The following DNER variants were observed in gnomAD, a reference collection of about 807,000 sequenced individuals.
DNER encodes the protein delta and Notch-like epidermal growth factor-related receptor.
DNER carries 33 observed loss-of-function variants against 78.2 expected under a neutral mutation model. The observed-to-expected ratio is 0.42, with a 90% CI of 0.32 to 0.56. The LOEUF (loss-of-function observed/expected upper bound fraction) is 0.56. Among genes scored for constraint, DNER ranks in the 20% least tolerant of loss-of-function variants. The probability of loss-of-function intolerance (pLI) is 0.11; values close to 1 mark genes in which losing one functional copy is unlikely to be tolerated. For missense variants in DNER, 918 were observed against 975.3 expected, an observed-to-expected ratio of 0.94 and a Z score of 0.78; for synonymous variants, 417 against 384.8, an observed-to-expected ratio of 1.08 and a Z score of -0.98.
At chr2:229,507,990 A>G (rs1695779328) in intron 6 of DNER, among the ~76,000 whole-genome samples, 1 of 152,234 alleles carries the variant, frequency 6.6e-6, no homozygotes, top group African/African-American at 2.4e-5. Flanking sequence ...AATTATTAGT[A>G]TCAAAAATAA....
intron 6 of DNER, among the ~76,000 whole-genome samples, chr2:229,498,079 A>C: frequency 6.6e-6 from 1 of 152,190 alleles, no homozygotes; most frequent in Non-Finnish European, 1.5e-5. Context: ...ATCATTCACC[A>C]CAATCAAGTG....
intron 1 of DNER, among the ~76,000 whole-genome samples, chr2:229,620,581 G>A (rs1698237122): frequency 6.6e-6 from 1 of 152,222 alleles, no homozygotes; most frequent in African/African-American, 2.4e-5. Context: ...AGCTCCTGCA[G>A]ACACAAACGT....
intron 1 of DNER, among the ~76,000 whole-genome samples, chr2:229,636,675 G>C (rs1467273294): frequency 1.3e-5 from 2 of 152,190 alleles, no homozygotes; most frequent in Non-Finnish European, 2.9e-5. Flanking sequence ...AGCTAACAAG[G>C]TATGAACTTG....
intron 10 of DNER, among the ~76,000 whole-genome samples, chr2:229,405,465 G>A (rs1193433384): frequency 6.6e-6 from 1 of 152,142 alleles, no homozygotes; most frequent in East Asian, 1.9e-4. Flanking sequence ...TCCTTGTAAT[G>A]TTGTTTATAA....
chr2:229,703,312 A>T (rs995288066), intron 1 of DNER, among the ~76,000 whole-genome samples: 1 of 152,220 alleles, frequency 6.6e-6, no homozygotes, highest in African/African-American at 2.4e-5. Flanking sequence ...CTTTTCAACA[A>T]ATGTTTCTGA....
intron 7 of DNER, among the ~76,000 whole-genome samples, chr2:229,476,790 G>A (rs1695045202): frequency 6.8e-6 from 1 of 146,790 alleles, no homozygotes; most frequent in South Asian, 2.2e-4. Context: ...ACAGAAGCAG[G>A]TGAACTTTGT....
chr2:229,599,816 C>T (rs1574921386), intron 1 of DNER, among the ~76,000 whole-genome samples: 1 of 152,130 alleles, frequency 6.6e-6, no homozygotes, highest in Non-Finnish European at 1.5e-5. Flanking sequence ...ACAAAATAAA[C>T]AGTCTACAGA....
At chr2:229,376,755 T>C (rs1316134820) in intron 11 of DNER, among the ~76,000 whole-genome samples, 1 of 152,194 alleles carries the variant, frequency 6.6e-6, no homozygotes, top group Non-Finnish European at 1.5e-5. Context: ...GACTGATGCA[T>C]CTAGAAGAAT....
At chr2:229,689,574 C>T (rs1699535347) in intron 1 of DNER, among the ~76,000 whole-genome samples, 1 of 152,174 alleles carries the variant, frequency 6.6e-6, no homozygotes, top group Admixed American at 6.5e-5. Flanking sequence ...GGAAATACCA[C>T]CACCTACCAG....
At chr2:229,424,314 GAGTT>G (rs777394302) in intron 8 of DNER, among the ~76,000 whole-genome samples, 1 of 151,832 alleles carries the variant, frequency 6.6e-6, no homozygotes, top group African/African-American at 2.4e-5. Flanking sequence ...GAGGAATTAA[GAGTT>G]AGAGAGGTAA....
chr2:229,555,066 G>C (rs1696833045), intron 4 of DNER, among the ~76,000 whole-genome samples: 1 of 151,966 alleles, frequency 6.6e-6, no homozygotes, highest in South Asian at 2.1e-4. Context: ...ATTAATAAAA[G>C]TCAGAGTGAG....
intron 5 of DNER, among the ~76,000 whole-genome samples, chr2:229,514,964 C>T (rs944190910): frequency 6.6e-6 from 1 of 152,150 alleles, no homozygotes; most frequent in African/African-American, 2.4e-5. Flanking sequence ...ATCAAGTCTC[C>T]TTTAGTTTAA....
intron 7 of DNER, among the ~76,000 whole-genome samples, chr2:229,457,707 T>C (rs1353762583): frequency 1.4e-5 from 2 of 147,736 alleles, no homozygotes. Flanking sequence ...TCCAATCATA[T>C]CAAGGTTATA....
At chr2:229,365,080 C>T (rs1016645896) in intron 12 of DNER, among the ~76,000 whole-genome samples, 1 of 152,042 alleles carries the variant, frequency 6.6e-6, no homozygotes, top group Non-Finnish European at 1.5e-5. Context: ...CTTATCATTC[C>T]CACTGTAACC....
intron 8 of DNER, among the ~76,000 whole-genome samples, chr2:229,445,611 A>G (rs1694324774): frequency 6.6e-6 from 1 of 152,192 alleles, no homozygotes; most frequent in South Asian, 2.1e-4. Context: ...ACAGCTGAGG[A>G]CCTTAAGGAC....
intron 11 of DNER, among the ~76,000 whole-genome samples, chr2:229,371,531 G>A (rs1008030291): frequency 1.3e-5 from 2 of 152,236 alleles, no homozygotes; most frequent in African/African-American, 4.8e-5. Context: ...TGTTTGAGGT[G>A]TTGTATTTTC....
chr2:229,527,763 G>A (rs1268223635), intron 5 of DNER, among the ~76,000 whole-genome samples: 1 of 152,004 alleles, frequency 6.6e-6, no homozygotes, highest in African/African-American at 2.4e-5. Flanking sequence ...ATTACTCCTG[G>A]CTGGTAAATA....
chr2:229,379,075 G>A (rs543737242), intron 11 of DNER, among the ~76,000 whole-genome samples: 1 of 152,278 alleles, frequency 6.6e-6, no homozygotes, highest in South Asian at 2.1e-4. Flanking sequence ...TGATAGAGTT[G>A]AGTGAACACG....
In DNER at chr2:229,585,010, T is replaced by C. The variant is rs183120091; in HGVS notation, c.847+848A>G. ...TCAAGAGAGAGTAAAAAGTTAGAAG[T>C]GACTGATGCAGGAGGGGTGGTTATG... On this transcript the variant is annotated intron_variant, in intron 4 of 12. Transcript: ENST00000341772. Among the ~76,000 whole-genome samples the C allele has an allele frequency of 2.0e-4, 31 of 151,748 alleles. No homozygotes were observed. In the East Asian group the frequency reaches 4.7e-3, roughly 23 times the overall value.
Sources: gnomAD v4.1 joint callset for allele counts (sites outside exome capture counted in the v4.1 genomes callset) on GRCh38, gnomAD v4.1.1 for gene constraint, MANE v1.5 for transcripts, NCBI Gene and HGNC (gene_info 2026-07-23, HGNC 2026-07-21) for gene names.